MAP3K2: variants seen among roughly 807,000 people sequenced by gnomAD.
MAP3K2 encodes the protein MAP/ERK kinase kinase 2.
Under a neutral mutation model 80.3 loss-of-function variants are expected in MAP3K2, and 24 were observed. The observed-to-expected ratio is 0.30, with a 90% CI of 0.22 to 0.42. The LOEUF is 0.42. Among genes scored for constraint, MAP3K2 ranks in the 10% least tolerant of loss-of-function variants. The pLI, the probability that MAP3K2 is intolerant of heterozygous loss-of-function variation, is 1.00. For synonymous variants in MAP3K2, 244 were observed against 253.7 expected, an observed-to-expected ratio of 0.96 and a Z score of 0.36; for missense variants, 608 against 750.1, an observed-to-expected ratio of 0.81 and a Z score of 2.21.
At chr2:127,382,544 G>A (rs1172609277) in intron 1 of MAP3K2, among the ~76,000 whole-genome samples, 1 of 152,152 alleles carries the variant, frequency 6.6e-6, no homozygotes, top group Non-Finnish European at 1.5e-5. Flanking sequence ...ATAATAATGT[G>A]TTTTCTTACA....
At chr2:127,323,531 T>G (rs952558386) in intron 11 of MAP3K2, among the ~76,000 whole-genome samples, 5 of 151,904 alleles carry the variant, frequency 3.3e-5, no homozygotes, top group Non-Finnish European at 7.4e-5. Flanking sequence ...CAAAAAAAAT[T>G]TTTTAATTAG....
chr2:127,368,160 A>G (rs1258052040), intron 1 of MAP3K2, among the ~76,000 whole-genome samples: 1 of 151,924 alleles, frequency 6.6e-6, no homozygotes, highest in Non-Finnish European at 1.5e-5. Context: ...TGTCTCTACT[A>G]CAAATAGGAA....
At position 127,306,615 on chromosome 2, in the gene MAP3K2, G is replaced by A. The variant is rs943070233; in HGVS notation, c.*964C>T. 6 of 152,188 alleles carry A rather than the reference G, an allele frequency of 3.9e-5. No homozygotes were observed. The highest frequency in any genetic ancestry group is 8.8e-5 in the Non-Finnish European group (6 of 68,028). The allele number at this position is 152,188 out of a possible 1,614,324, so 9.4% of individuals were successfully genotyped here. ...TATGGGGAATCAGGAGCTGGAAATA[G>A]AAGATGGTATACATGATTTTGATTA... On this transcript the variant is annotated 3_prime_UTR_variant, in exon 17 of 17. Transcript: ENST00000682094. The surrounding 1 kb of genome is among the most constrained non-coding windows in gnomAD (Gnocchi z 4.7).
At chr2:127,335,805 G>C in intron 5 of MAP3K2, 65 bp downstream of exon 5, 1 of 800,556 alleles carries the variant, frequency 1.2e-6, no homozygotes, top group Non-Finnish European at 2.0e-6. Context: ...CTTAAAAGCA[G>C]TCTCTTAAAC....
chr2:127,370,806 A>T (rs982686405), intron 1 of MAP3K2, among the ~76,000 whole-genome samples: 6 of 152,158 alleles, frequency 3.9e-5, no homozygotes, highest in Admixed American at 3.9e-4. Context: ...AGAGCCTAAA[A>T]AGGGGAGGGA....
Position 127,307,558 on chromosome 2 carries a change from C to CA in MAP3K2, c.*20dup, listed in dbSNP as rs1685726197. 1 of 1,510,090 alleles carries CA rather than the reference C, an allele frequency of 6.6e-7. No individual in the cohort carries two copies. The highest frequency in any genetic ancestry group is 1.4e-5 in the African/African-American group (1 of 72,298). The allele number at this position is 1,510,090 out of a possible 1,614,324, so 93.5% of individuals were successfully genotyped here. ...TGAATAGATGGGAGCTAGGTAGAGG[C>CA]ACAGGAGAGGTTACTGGCTGCTAGT... On this transcript the variant is annotated 3_prime_UTR_variant, in exon 17 of 17. Coordinates refer to ENST00000682094, the MANE Select transcript of MAP3K2 (RefSeq NM_001371910.2). This position sits in a 1 kb window ranked among gnomAD's most constrained non-coding sequence, Gnocchi z 5.4.
chr2:127,336,020 T>TTAGAA, intron 4 of MAP3K2, 51 bp from the exon 5 acceptor site: 3 of 1,151,288 alleles, frequency 2.6e-6, no homozygotes, highest in Non-Finnish European at 3.8e-6. Flanking sequence ...AGTTAAATAA[T>TTAGAA]AAACTTGCAA....
chr2:127,359,797 C>T (rs1025972997), intron 1 of MAP3K2, among the ~76,000 whole-genome samples: 1 of 152,170 alleles, frequency 6.6e-6, no homozygotes, highest in Non-Finnish European at 1.5e-5. Flanking sequence ...ATGTGAAGTG[C>T]TGGCTCCCCC....
chr2:127,354,113 C>T (rs1686755603), intron 1 of MAP3K2, among the ~76,000 whole-genome samples: 1 of 151,652 alleles, frequency 6.6e-6, no homozygotes, highest in South Asian at 2.1e-4. Flanking sequence ...TGTGGAAGGC[C>T]GCAGGGTCCT....
chr2:127,330,484 G>T lies in MAP3K2; in HGVS notation c.286C>A (p.Gln96Lys). 1 of 1,602,232 alleles carries T rather than the reference G, an allele frequency of 6.2e-7. No homozygotes were observed. The highest frequency in any genetic ancestry group is 8.5e-7 in the Non-Finnish European group (1 of 1,172,168). The change falls in exon 6 of 17, where the codon CAA becomes AAA. Residue 96 changes from glutamine (Q) to lysine (K), a missense_variant. By Grantham distance (53) the Gln-to-Lys change is moderately conservative. Transcript: ENST00000682094. ...NNELVIPLTTQDDLDKAVELL... is the reference protein window; with the variant it reads ...NNELVIPLTTKDDLDKAVELL... ...TCCACAGCTTTGTCCAAGTCATCTT[G>T]AGTAGTTAATGGAATTACCAACTAA...
At chr2:127,355,403 C>T (rs954475982) in intron 1 of MAP3K2, among the ~76,000 whole-genome samples, 9 of 152,004 alleles carry the variant, frequency 5.9e-5, no homozygotes, top group Non-Finnish European at 1.3e-4. Context: ...CAGATGATGG[C>T]AATAAGGCAA....
At chr2:127,377,096 T>C (rs1282092467) in intron 1 of MAP3K2, among the ~76,000 whole-genome samples, 1 of 151,730 alleles carries the variant, frequency 6.6e-6, no homozygotes, top group Non-Finnish European at 1.5e-5. Flanking sequence ...AAATACCCAA[T>C]GTTCACTCTA....
intron 9 of MAP3K2, among the ~76,000 whole-genome samples, chr2:127,325,159 C>T (rs1217012913): frequency 6.6e-6 from 1 of 152,116 alleles, no homozygotes; most frequent in Admixed American, 6.5e-5. Flanking sequence ...TTCAAACACA[C>T]AATTTTGACA....
intron 5 of MAP3K2, among the ~76,000 whole-genome samples, chr2:127,333,181 T>TC (rs1470688037): frequency 6.8e-6 from 1 of 147,382 alleles, no homozygotes; most frequent in Non-Finnish European, 1.5e-5. Flanking sequence ...ATGGAAGTGA[T>TC]CTTAGAAAAT....
chr2:127,333,125 C>T lies in MAP3K2; in HGVS notation c.265-2620G>A, dbSNP rs1449328675. ...ACAGCCTGGGTGACAGCGGGAGATG[C>T]TGTCTCAAAAAAAAAAAAAAAAAAT... On this transcript the variant is annotated intron_variant, in intron 5 of 16. Transcript: ENST00000682094. Among the ~76,000 whole-genome samples the T allele has an allele frequency of 2.2e-5, 3 of 134,680 alleles. No individual in the cohort carries two copies. In the East Asian group the frequency reaches 6.0e-4, roughly 27 times the overall value. 88.4% of individuals were successfully genotyped at this position (134,680 alleles called of 152,430 possible).
intron 16 of MAP3K2, among the ~76,000 whole-genome samples, 160 bp downstream of exon 16, chr2:127,308,425 G>A (rs1418598568): frequency 6.6e-6 from 1 of 152,190 alleles, no homozygotes; most frequent in African/African-American, 2.4e-5. Flanking sequence ...TCAATTATAA[G>A]CCTCAATAAG....
At position 127,387,795 on chromosome 2, in the gene MAP3K2, C is replaced by G. The variant is rs1196688642; in HGVS notation, c.-409G>C. The G allele has an allele frequency of 1.9e-5, 19 of 985,174 alleles. 1 individual carries two copies. In the South Asian group the frequency reaches 8.0e-4, roughly 41 times the overall value. 61.0% of individuals were successfully genotyped at this position (985,174 alleles called of 1,614,324 possible). ...AGCCGCGGGCCCGCGTCGCTAGAGA[C>G]CGGAGAAGAGGCGGGAGTGGCGACT... is the stretch of plus-strand genomic sequence containing the variant. On this transcript the variant is annotated 5_prime_UTR_variant, in exon 1 of 17. Coordinates refer to ENST00000682094, the MANE Select transcript of MAP3K2 (RefSeq NM_001371910.2).
chr2:127,369,279 T>C (rs1574005304), intron 1 of MAP3K2, among the ~76,000 whole-genome samples: 1 of 150,886 alleles, frequency 6.6e-6, no homozygotes, highest in Admixed American at 6.6e-5. Flanking sequence ...CTGTGGTTGG[T>C]TGAATCCACA....
At chr2:127,356,790 G>C (rs1166690232) in intron 1 of MAP3K2, among the ~76,000 whole-genome samples, 1 of 152,156 alleles carries the variant, frequency 6.6e-6, no homozygotes, top group Admixed American at 6.5e-5. Flanking sequence ...AAGAAAACTA[G>C]GGAAAACTCT....
Sources: allele counts gnomAD v4.1 joint callset (sites outside exome capture counted in the v4.1 genomes callset), GRCh38; gene constraint gnomAD v4.1.1; non-coding constraint Gnocchi (gnomAD v3.1); transcripts MANE v1.5; gene names NCBI Gene and HGNC (gene_info 2026-07-23, HGNC 2026-07-21).